The following BEGAIN variants were observed in gnomAD, a reference collection of about 807,000 sequenced individuals.
The protein encoded by BEGAIN is brain enriched guanylate kinase associated, also known as brain-enriched guanylate kinase-associated protein.
In BEGAIN, 19 loss-of-function variants were observed where a neutral mutation model predicts 35.8. The ratio of observed to expected loss-of-function variants is 0.53; its 90% CI spans 0.37 to 0.78. BEGAIN has a LOEUF of 0.78. BEGAIN is among the 30% of genes least tolerant of loss of function. The probability of loss-of-function intolerance (pLI) is 0.00; values close to 1 mark genes in which losing one functional copy is unlikely to be tolerated. For missense variants in BEGAIN, 795 were observed against 853.6 expected (o/e 0.93, Z 0.85); for synonymous variants, 462 against 388.6 (o/e 1.19, Z -2.22).
At chr14:100,584,386 G>C (rs1364699694) in intron 1 of BEGAIN, among the ~76,000 whole-genome samples, 1 of 152,226 alleles carries the variant, frequency 6.6e-6, no homozygotes, top group Non-Finnish European at 1.5e-5. Flanking sequence ...TTCCTGGCTA[G>C]AGGGGAGAGA....
At chr14:100,554,659 C>T (rs900596682) in intron 2 of BEGAIN, among the ~76,000 whole-genome samples, 5 of 152,068 alleles carry the variant, frequency 3.3e-5, no homozygotes, top group African/African-American at 1.2e-4. Context: ...CCACTCCCCA[C>T]CAGCCCTGTC....
At chr14:100,562,953 G>C (rs577224113) in intron 2 of BEGAIN, among the ~76,000 whole-genome samples, 2 of 105,100 alleles carry the variant, frequency 1.9e-5, no homozygotes, top group Admixed American at 1.9e-4. Flanking sequence ...TGGAATCCAT[G>C]ATCAGTGAAC....
At chr14:100,539,835 C>T (rs1457841760) in intron 6 of BEGAIN, among the ~76,000 whole-genome samples, 1 of 152,012 alleles carries the variant, frequency 6.6e-6, no homozygotes, top group Non-Finnish European at 1.5e-5. Context: ...GGGCTGAGAG[C>T]GCCTGGTGCC....
chr14:100,556,943 C>T (rs2033781738), intron 2 of BEGAIN, among the ~76,000 whole-genome samples: 1 of 152,232 alleles, frequency 6.6e-6, no homozygotes, highest in African/African-American at 2.4e-5. Context: ...CACTGATCTC[C>T]ATCCAACCTG....
chr14:100,541,798 C>T (rs1043188636), intron 5 of BEGAIN, among the ~76,000 whole-genome samples: 9 of 152,204 alleles, frequency 5.9e-5, no homozygotes, highest in African/African-American at 1.9e-4. Flanking sequence ...CTGAGGTGGC[C>T]AGCTCTGGGA....
In BEGAIN at chr14:100,567,840, C is replaced by G; in HGVS notation, c.71+71G>C. 7.0e-7 allele frequency: 1 copy of G among 1,422,110 alleles called. No individual in the cohort carries two copies. Among genetic ancestry groups the G allele is most frequent in the Non-Finnish European group, 9.3e-7 (1 of 1,070,096 alleles). 88.1% of individuals were successfully genotyped at this position (1,422,110 alleles called of 1,614,324 possible). A position where few individuals can be genotyped will look rare whatever the true frequency, so the allele number is the denominator to read the frequency against. ...ATGCGCTCGGGTGGAGCCCCCTTCC[C>G]CCGCCTTCCCCAGCGCCCTCACCCC... On this transcript the variant is annotated intron_variant, in intron 2 of 6. Transcript: ENST00000554140. This position sits in a 1 kb window ranked among gnomAD's most constrained non-coding sequence, Gnocchi z 5.1.
intron 2 of BEGAIN, among the ~76,000 whole-genome samples, chr14:100,556,081 G>T (rs1310929461): frequency 6.6e-6 from 1 of 152,184 alleles, no homozygotes; most frequent in Non-Finnish European, 1.5e-5. Flanking sequence ...GGGTGGCCTG[G>T]AGAGGAGTGA....
rs72713996 is a variant in BEGAIN, at chr14:100,550,334, C to T, written c.72-3672G>A. 621 of 398,418 alleles carry T rather than the reference C, an allele frequency of 1.6e-3. 2 individuals carry two copies. The highest frequency in any genetic ancestry group is 3.7e-3 in the Admixed American group (85 of 22,732). The allele number at this position is 398,418 out of a possible 1,614,324, so 24.7% of individuals were successfully genotyped here. A position where few individuals can be genotyped will look rare whatever the true frequency, so the allele number is the denominator to read the frequency against. On this transcript the variant is annotated intron_variant, in intron 2 of 6. Transcript: ENST00000554140. ...ACCTTCTGGGCCTCTGCATCTGTCT[C>T]GGGGAGTTGGACACAGACACGGGAC...
chr14:100,554,185 G>A (rs1159508650), intron 2 of BEGAIN, among the ~76,000 whole-genome samples: 1 of 152,122 alleles, frequency 6.6e-6, no homozygotes, highest in Non-Finnish European at 1.5e-5. Flanking sequence ...GGAGCCCGGA[G>A]CTCAGAGGGC....
chr14:100,579,406 A>C (rs558577821), intron 1 of BEGAIN, among the ~76,000 whole-genome samples: 1 of 152,240 alleles, frequency 6.6e-6, no homozygotes, highest in Non-Finnish European at 1.5e-5. Flanking sequence ...TGGACCCTCC[A>C]TCATTTGTGT....
chr14:100,587,077 G>A (rs1260171205), intron 1 of BEGAIN, among the ~76,000 whole-genome samples, 172 bp downstream of exon 1: 1 of 151,354 alleles, frequency 6.6e-6, no homozygotes, highest in African/African-American at 2.4e-5. Flanking sequence ...GACCCGGCCC[G>A]GCTCCTCCCG....
intron 4 of BEGAIN, 50 bp from the exon 5 acceptor site, chr14:100,544,015 GCCAACCCAGTCGCTCGATTGCA>G: frequency 7.0e-7 from 1 of 1,435,848 alleles, no homozygotes; most frequent in Non-Finnish European, 9.6e-7. Context: ...CTCCTGGTGA[GCCAACCCAGTCGCTCGATTGCA>G]CCCCCTGGTT....
chr14:100,579,981 C>G (rs1021543334), intron 1 of BEGAIN, among the ~76,000 whole-genome samples: 2 of 152,114 alleles, frequency 1.3e-5, no homozygotes, highest in Non-Finnish European at 2.9e-5. Context: ...CCCGGCCTAT[C>G]CCACAAACAC....
intron 1 of BEGAIN, among the ~76,000 whole-genome samples, chr14:100,570,685 A>T (rs1183020720): frequency 6.6e-6 from 1 of 152,096 alleles, no homozygotes; most frequent in East Asian, 1.9e-4. Flanking sequence ...GTGGCTAGGG[A>T]GAAGATAGCA....
intron 4 of BEGAIN, 70 bp downstream of exon 4, chr14:100,544,930 T>C: frequency 4.7e-6 from 7 of 1,478,386 alleles, no homozygotes; most frequent in Non-Finnish European, 9.4e-7. Flanking sequence ...GGCCCAGGGG[T>C]GTCAGCTGGG....
rs79151734 is a variant in BEGAIN at position 100,562,079 on chromosome 14, C to G, written c.71+5832G>C. ...TCCATAAGACTTCCTCTAGTAGGAT[C>G]AAGTTTAGAAGTGGGGTAGAGAGCC... is the stretch of plus-strand genomic sequence containing the variant. On this transcript the variant is annotated intron_variant, in intron 2 of 6. Coordinates refer to ENST00000554140, the MANE Select transcript of BEGAIN (RefSeq NM_001385089.1). Among the ~76,000 whole-genome samples the G allele has an allele frequency of 2.6e-3, 399 of 152,210 alleles. 8 individuals are homozygous for G. In the East Asian group the frequency reaches 0.032, roughly 12 times the overall value.
chr14:100,545,086 G>T lies in BEGAIN; in HGVS notation c.234-20C>A, dbSNP rs1357157583. On this transcript the variant is annotated intron_variant, in intron 3 of 6. Coordinates refer to ENST00000554140, the MANE Select transcript of BEGAIN (RefSeq NM_001385089.1). ...TGAATCCTGGTGCAGGAGGCAAGGG[G>T]GTCACTGCCATGCAAGGCCTGTCCC... is the stretch of plus-strand genomic sequence containing the variant. The T allele has an allele frequency of 6.2e-7, 1 of 1,612,762 alleles. No individual in the cohort carries two copies. Among genetic ancestry groups the T allele is most frequent in the Non-Finnish European group, 8.5e-7 (1 of 1,179,980 alleles).
intron 1 of BEGAIN, chr14:100,577,351 C>T (rs968315703): frequency 8.0e-5 from 32 of 399,006 alleles, no homozygotes; most frequent in East Asian, 4.3e-4. Flanking sequence ...CCGGCCTCCA[C>T]GCTTGCCACT....
intron 1 of BEGAIN, among the ~76,000 whole-genome samples, chr14:100,570,813 C>T (rs990238712): frequency 5.3e-5 from 8 of 152,170 alleles, no homozygotes; most frequent in Admixed American, 2.0e-4. Context: ...CCACAAGACT[C>T]GGTGATTTTC....
Sources: allele counts gnomAD v4.1 joint callset (sites outside exome capture counted in the v4.1 genomes callset), GRCh38; gene constraint gnomAD v4.1.1; non-coding constraint Gnocchi (gnomAD v3.1); transcripts MANE v1.5; gene names NCBI Gene and HGNC (gene_info 2026-07-23, HGNC 2026-07-21).